CAMK2D: variants seen among roughly 807,000 people sequenced by gnomAD.
CAMK2D encodes the protein calcium/calmodulin dependent protein kinase II delta, also known as calcium/calmodulin-dependent protein kinase type II subunit delta.
Under a neutral mutation model 84.0 loss-of-function variants are expected in CAMK2D, and 37 were observed. The ratio of observed to expected loss-of-function variants is 0.44; its 90% CI spans 0.34 to 0.58. The LOEUF is 0.58. Among genes scored for constraint, CAMK2D ranks in the 20% least tolerant of loss-of-function variants. The pLI is 0.02. For synonymous variants in CAMK2D, 202 were observed against 212.5 expected, an observed-to-expected ratio of 0.95 and a Z score of 0.43; for missense variants, 448 against 652.5, an observed-to-expected ratio of 0.69 and a Z score of 3.41.
chr4:113,661,312 T>C (rs1361907467), intron 3 of CAMK2D, among the ~76,000 whole-genome samples: 1 of 152,188 alleles, frequency 6.6e-6, no homozygotes, highest in African/African-American at 2.4e-5. Flanking sequence ...GAAAGGACAT[T>C]GAACTCATTA....
At chr4:113,494,219 C>T (rs1413898637) in intron 16 of CAMK2D, among the ~76,000 whole-genome samples, 1 of 152,202 alleles carries the variant, frequency 6.6e-6, no homozygotes, top group Admixed American at 6.5e-5. Flanking sequence ...AGGCACTCTG[C>T]TTTTTAGAGT....
At chr4:113,634,248 T>G (rs914509173) in intron 3 of CAMK2D, among the ~76,000 whole-genome samples, 12 of 152,196 alleles carry the variant, frequency 7.9e-5, no homozygotes, top group Admixed American at 1.3e-4. Context: ...AATAGACAGT[T>G]TTGAATCATT....
At chr4:113,656,677 G>C (rs1429594817) in intron 3 of CAMK2D, among the ~76,000 whole-genome samples, 1 of 151,954 alleles carries the variant, frequency 6.6e-6, no homozygotes, top group Non-Finnish European at 1.5e-5. Flanking sequence ...CCATCTACTG[G>C]TTTCCCTACT....
At chr4:113,713,257 C>T (rs2148484471) in intron 2 of CAMK2D, among the ~76,000 whole-genome samples, 1 of 151,800 alleles carries the variant, frequency 6.6e-6, no homozygotes, top group South Asian at 2.1e-4. Context: ...GTAGGAAAAT[C>T]CTTGAGTATA....
chr4:113,599,245 CA>C (rs2098941205), intron 4 of CAMK2D, among the ~76,000 whole-genome samples: 1 of 152,072 alleles, frequency 6.6e-6, no homozygotes, highest in Non-Finnish European at 1.5e-5. Flanking sequence ...GGTGTGAATG[CA>C]AAATGGTATA....
chr4:113,527,172 C>T (rs1426771764), intron 8 of CAMK2D, among the ~76,000 whole-genome samples: 1 of 152,058 alleles, frequency 6.6e-6, no homozygotes, highest in Non-Finnish European at 1.5e-5. Flanking sequence ...GATAAGTCAA[C>T]AGCCATCAAC....
At chr4:113,542,584 G>T (rs182751480) in intron 6 of CAMK2D, among the ~76,000 whole-genome samples, 1 of 151,942 alleles carries the variant, frequency 6.6e-6, no homozygotes, top group Non-Finnish European at 1.5e-5. Flanking sequence ...GCATGGTGGC[G>T]GGCGCCTGTA....
chr4:113,535,323 G>A (rs1202313882), intron 7 of CAMK2D, among the ~76,000 whole-genome samples: 1 of 152,052 alleles, frequency 6.6e-6, no homozygotes, highest in East Asian at 1.9e-4. Context: ...TGATCTGTAT[G>A]TTATTTGGAA....
At position 113,451,446 on chromosome 4, in the gene CAMK2D, C is replaced by A. The variant is rs1052747213; in HGVS notation, c.*3099G>T. The A allele has an allele frequency of 1.3e-5, 2 of 152,108 alleles. No individual in the cohort carries two copies. Among genetic ancestry groups the A allele is most frequent in the African/African-American group, 4.8e-5 (2 of 41,414 alleles). The allele number at this position is 152,108 out of a possible 1,614,324, so 9.4% of individuals were successfully genotyped here. ...AAATATCATTCTAGTCACTCTGTAC[C>A]CATTAATCCTCACAATATCTTTATT... On this transcript the variant is annotated 3_prime_UTR_variant, in exon 21 of 21. Transcript: ENST00000511664.
At chr4:113,552,423 C>G (rs765715278) in intron 4 of CAMK2D, among the ~76,000 whole-genome samples, 2 of 152,104 alleles carry the variant, frequency 1.3e-5, no homozygotes, top group Non-Finnish European at 2.9e-5. Context: ...AGTTTAGAAA[C>G]ACTTTCTGAA....
intron 2 of CAMK2D, among the ~76,000 whole-genome samples, chr4:113,694,897 C>A (rs35123907): frequency 2.3e-3 from 344 of 152,216 alleles, no homozygotes; most frequent in Non-Finnish European, 3.7e-3. Flanking sequence ...TTATTTCATT[C>A]TCAGTACAGG....
intron 3 of CAMK2D, among the ~76,000 whole-genome samples, chr4:113,631,080 C>T (rs2099087636): frequency 6.6e-6 from 1 of 152,106 alleles, no homozygotes. Flanking sequence ...TAATGGAGTC[C>T]AGGGGCTATC....
At chr4:113,661,847 T>A (rs2099234166) in intron 2 of CAMK2D, 75 bp from the exon 3 acceptor site, 1 of 703,844 alleles carries the variant, frequency 1.4e-6, no homozygotes, top group African/African-American at 1.8e-5. Context: ...CATAACAAAA[T>A]GACAAAAGGC....
chr4:113,625,355 T>TA (rs2099063186), intron 3 of CAMK2D, among the ~76,000 whole-genome samples: 2 of 152,044 alleles, frequency 1.3e-5, no homozygotes, highest in Admixed American at 1.3e-4. Context: ...AATATGTAAA[T>TA]ATATACATAG....
intron 2 of CAMK2D, among the ~76,000 whole-genome samples, chr4:113,743,577 G>A (rs1369722566): frequency 1.3e-5 from 2 of 152,120 alleles, no homozygotes; most frequent in African/African-American, 2.4e-5. Flanking sequence ...CTTTCGGTAT[G>A]TGCTGTTTTC....
At chr4:113,669,407 C>A (rs1442619880) in intron 2 of CAMK2D, among the ~76,000 whole-genome samples, 1 of 152,120 alleles carries the variant, frequency 6.6e-6, no homozygotes, top group Admixed American at 6.5e-5. Flanking sequence ...TAAGGGGAAT[C>A]TGAATTGAGC....
At chr4:113,687,525 G>C (rs1420593329) in intron 2 of CAMK2D, among the ~76,000 whole-genome samples, 1 of 152,154 alleles carries the variant, frequency 6.6e-6, no homozygotes, top group Non-Finnish European at 1.5e-5. Flanking sequence ...TGGACCAATG[G>C]ACACTGCCCT....
At chr4:113,470,507 A>G (rs13150144) in intron 16 of CAMK2D, among the ~76,000 whole-genome samples, 51,596 of 151,806 alleles carry the variant, frequency 0.34, 9,097 homozygotes, top group Middle Eastern at 0.4. Context: ...GTGTGGTGGC[A>G]CGCACATGTA....
chr4:113,635,897 C>T (rs2099108232), intron 3 of CAMK2D, among the ~76,000 whole-genome samples: 1 of 152,224 alleles, frequency 6.6e-6, no homozygotes, highest in South Asian at 2.1e-4. Context: ...AGGAGCTGTA[C>T]AGCTATGCCT....
Sources: allele counts gnomAD v4.1 joint callset (sites outside exome capture counted in the v4.1 genomes callset), GRCh38; gene constraint gnomAD v4.1.1; transcripts MANE v1.5; gene names NCBI Gene and HGNC (gene_info 2026-07-23, HGNC 2026-07-21).